The following PCDH15 variants were observed in gnomAD, a reference collection of about 807,000 sequenced individuals.
PCDH15 encodes protocadherin related 15.
A neutral mutation model predicts 178.5 loss-of-function variants in PCDH15; 129 were observed. That is an observed-to-expected ratio of 0.72 (90% CI 0.63 to 0.84). The LOEUF (loss-of-function observed/expected upper bound fraction) is 0.84. PCDH15 is among the 40% of genes least tolerant of loss of function. PCDH15 has a pLI of 0.00. For synonymous variants in PCDH15, 800 were observed against 732.0 expected (o/e 1.09, Z -1.50); for missense variants, 2,230 against 2,099.9 (o/e 1.06, Z -1.21).
chr10:54,879,203 T>TGC (rs1172450180), intron 3 of PCDH15, among the ~76,000 whole-genome samples: 44 of 150,058 alleles, frequency 2.9e-4, no homozygotes, highest in African/African-American at 6.3e-4. Flanking sequence ...TGTGTGTGTG[T>TGC]GCTTGTATGT....
At chr10:53,860,724 CAAAAAAAAAAAA>C (rs11345773) in intron 27 of PCDH15, among the ~76,000 whole-genome samples, 3 of 78,080 alleles carry the variant, frequency 3.8e-5, no homozygotes, top group South Asian at 4.6e-4. Flanking sequence ...GACTCTGTCT[CAAAAAAAAAAAA>C]AAAAAAAAAA....
At chr10:55,391,100 A>G (rs750122377) in intron 2 of PCDH15, among the ~76,000 whole-genome samples, 3 of 152,154 alleles carry the variant, frequency 2.0e-5, no homozygotes, top group Admixed American at 6.5e-5. Context: ...TCTTCCTCCA[A>G]TACAAGACCG....
chr10:54,376,520 T>C (rs1260633617), intron 4 of PCDH15, among the ~76,000 whole-genome samples: 1 of 151,194 alleles, frequency 6.6e-6, no homozygotes, highest in Non-Finnish European at 1.5e-5. Flanking sequence ...ATATAAAAAG[T>C]GTGCACTCAC....
At chr10:55,173,336 T>TGTGTGTGTGTGTGTGA in intron 1 of PCDH15, among the ~76,000 whole-genome samples, 2 of 150,964 alleles carry the variant, frequency 1.3e-5, no homozygotes, top group South Asian at 4.2e-4. Context: ...TGTGTGTGTG[T>TGTGTGTGTGTGTGTGA]GTGTGTGTGT....
At chr10:54,051,129 G>T (rs958867240) in intron 18 of PCDH15, among the ~76,000 whole-genome samples, 1 of 152,106 alleles carries the variant, frequency 6.6e-6, no homozygotes, top group African/African-American at 2.4e-5. Context: ...TCCCCGTCTC[G>T]AGTATGTCTT....
chr10:54,069,918 A>AT (rs1377724321), intron 17 of PCDH15, among the ~76,000 whole-genome samples: 1 of 152,174 alleles, frequency 6.6e-6, no homozygotes, highest in Non-Finnish European at 1.5e-5. Flanking sequence ...GAATATATAT[A>AT]TAATGCCAGT....
intron 3 of PCDH15, among the ~76,000 whole-genome samples, chr10:54,838,018 G>A (rs1466435211): frequency 6.6e-6 from 1 of 151,870 alleles, no homozygotes; most frequent in Non-Finnish European, 1.5e-5. Flanking sequence ...CTAGGAACAT[G>A]CTAGAATACA....
chr10:55,000,353 A>C (rs1249385473), intron 2 of PCDH15, among the ~76,000 whole-genome samples: 1 of 152,194 alleles, frequency 6.6e-6, no homozygotes, highest in Non-Finnish European at 1.5e-5. Context: ...CTTTTGAAAG[A>C]AGAGAAATAT....
intron 18 of PCDH15, among the ~76,000 whole-genome samples, chr10:54,048,753 CCTATACTA>C (rs1280676560): frequency 2.6e-5 from 4 of 151,968 alleles, no homozygotes; most frequent in African/African-American, 7.2e-5. Context: ...CTATGTGTAG[CCTATACTA>C]CTGTAGGCTT....
rs1196765463 is a variant in PCDH15 at position 53,835,969 on chromosome 10, T to C, written c.3983+4351A>G. Among the ~76,000 whole-genome samples the C allele has an allele frequency of 2.0e-5, 3 of 152,244 alleles. No individual in the cohort carries two copies. In the East Asian group the frequency reaches 5.8e-4, roughly 29 times the overall value. On this transcript the variant is annotated intron_variant, in intron 29 of 37. Transcript: ENST00000644397. ...AAGGCTGGTGCACAGGCAGCAACCC[T>C]TGTGCAATTCCCCAGACCTTTATCT... is the stretch of plus-strand genomic sequence containing the variant.
chr10:54,770,146 C>G (rs1166861026), intron 1 of PCDH15, among the ~76,000 whole-genome samples: 1 of 152,126 alleles, frequency 6.6e-6, no homozygotes, highest in African/African-American at 2.4e-5. Flanking sequence ...AAGAGCTGCT[C>G]TAAGGCATAG....
intron 2 of PCDH15, among the ~76,000 whole-genome samples, chr10:55,602,488 G>T (rs555455431): frequency 6.6e-6 from 1 of 152,098 alleles, no homozygotes; most frequent in Non-Finnish European, 1.5e-5. Flanking sequence ...AAATGTCCCT[G>T]TCTGACAGCT....
At chr10:54,225,203 G>A (rs570416267) in intron 9 of PCDH15, among the ~76,000 whole-genome samples, 2 of 152,178 alleles carry the variant, frequency 1.3e-5, no homozygotes, top group East Asian at 3.9e-4. Flanking sequence ...GCTCTGAAAA[G>A]GGAGGTCAAG....
upstream of PCDH15, among the ~76,000 whole-genome samples, chr10:54,802,345 T>A: frequency 6.6e-6 from 1 of 152,174 alleles, no homozygotes; most frequent in East Asian, 1.9e-4. Context: ...TCTTTAAGAA[T>A]ATGGAAATAA....
intron 2 of PCDH15, among the ~76,000 whole-genome samples, chr10:54,659,864 G>A (rs1166730022): frequency 6.6e-6 from 1 of 151,468 alleles, no homozygotes; most frequent in South Asian, 2.1e-4. Flanking sequence ...AATTAAGGCA[G>A]ACATAAGAAA....
intron 23 of PCDH15, among the ~76,000 whole-genome samples, chr10:53,946,598 G>A (rs568640032): frequency 4.7e-4 from 71 of 152,108 alleles, no homozygotes; most frequent in Non-Finnish European, 7.3e-4. Context: ...ATATTACAAT[G>A]TATTGGATGT....
At chr10:54,762,032 T>A (rs754230788) in intron 1 of PCDH15, among the ~76,000 whole-genome samples, 1 of 152,104 alleles carries the variant, frequency 6.6e-6, no homozygotes, top group Non-Finnish European at 1.5e-5. Context: ...GCACTGGACA[T>A]GGTTAGAGGA....
At chr10:54,821,318 T>C (rs1953035489) in intron 3 of PCDH15, among the ~76,000 whole-genome samples, 1 of 152,040 alleles carries the variant, frequency 6.6e-6, no homozygotes, top group African/African-American at 2.4e-5. Flanking sequence ...TGTCAAACCC[T>C]GACCCAACTA....
At chr10:54,582,601 G>T (rs768474124) in intron 2 of PCDH15, among the ~76,000 whole-genome samples, 1 of 151,924 alleles carries the variant, frequency 6.6e-6, no homozygotes, top group Non-Finnish European at 1.5e-5. Context: ...TACACTAGAT[G>T]CCACCCAATT....
Sources: allele counts gnomAD v4.1 joint callset (sites outside exome capture counted in the v4.1 genomes callset), GRCh38; gene constraint gnomAD v4.1.1; transcripts MANE v1.5; gene names NCBI Gene and HGNC (gene_info 2026-07-23, HGNC 2026-07-21).